The following SRP19 variants were observed in gnomAD, a reference collection of about 807,000 sequenced individuals.
SRP19 encodes the protein signal recognition particle 19 kDa protein.
Under a neutral mutation model 22.4 loss-of-function variants are expected in SRP19, and 11 were observed. The observed-to-expected ratio is 0.49, with a 90% CI of 0.31 to 0.81. SRP19 has a LOEUF of 0.81. SRP19 is among the 40% of genes least tolerant of loss of function. The pLI is 0.05. For synonymous variants in SRP19, 61 were observed against 57.6 expected, an observed-to-expected ratio of 1.06 and a Z score of -0.27; for missense variants, 168 against 175.9, an observed-to-expected ratio of 0.96 and a Z score of 0.25.
At chr5:112,886,421 T>C (rs1458780669) in intron 4 of SRP19, among the ~76,000 whole-genome samples, 1 of 152,256 alleles carries the variant, frequency 6.6e-6, no homozygotes, top group African/African-American at 2.4e-5. Context: ...AATTCATGAA[T>C]GGCTCTTTAT....
chr5:112,870,731 T>C (rs879856607), downstream of SRP19, among the ~76,000 whole-genome samples: 1 of 152,174 alleles, frequency 6.6e-6, no homozygotes, highest in Non-Finnish European at 1.5e-5. Context: ...GGGTTTGTTA[T>C]AAAATGGAGT....
At chr5:112,881,061 G>A (rs1164015351) in intron 4 of SRP19, among the ~76,000 whole-genome samples, 2 of 148,614 alleles carry the variant, frequency 1.3e-5, no homozygotes, top group African/African-American at 5.0e-5. Context: ...CCTGGAAGGT[G>A]GAGGCTGCAG....
At chr5:112,878,627 A>C (rs1767968825) in intron 4 of SRP19, 1 of 1,084,862 alleles carries the variant, frequency 9.2e-7, no homozygotes, top group Admixed American at 2.9e-5. Context: ...TATAGACAGT[A>C]AAAGTAAGCA....
chr5:112,897,658 T>C (rs1026704837), downstream of SRP19: 7 of 152,238 alleles, frequency 4.6e-5, no homozygotes, highest in African/African-American at 1.7e-4. Context: ...CAACTAAGCT[T>C]TGATGCCAAG....
At chr5:112,891,703 A>T in exon 5 of SRP19, 2 of 1,614,150 alleles carry the variant, frequency 1.2e-6, no homozygotes, top group Non-Finnish European at 1.7e-6. Context: ...ACCAAGCCAC[A>T]AAAAGTACAG....
chr5:112,889,335 T>C (rs1483434353), intron 4 of SRP19, among the ~76,000 whole-genome samples: 1 of 150,368 alleles, frequency 6.7e-6, no homozygotes, highest in Non-Finnish European at 1.5e-5. Context: ...CAAAACCAAA[T>C]AGGAACACTG....
chr5:112,886,235 T>A, intron 4 of SRP19, among the ~76,000 whole-genome samples: 1 of 152,256 alleles, frequency 6.6e-6, no homozygotes, highest in East Asian at 1.9e-4. Context: ...TTTACCTGTT[T>A]AAACGTCATA....
At chr5:112,887,790 G>T (rs1319438636) in intron 4 of SRP19, among the ~76,000 whole-genome samples, 2 of 151,964 alleles carry the variant, frequency 1.3e-5, no homozygotes, top group Non-Finnish European at 2.9e-5. Flanking sequence ...TTGCCATTGA[G>T]ATTTTTTTTT....
At chr5:112,871,243 A>ATTTTTTTTTTTTTT (rs10592964), downstream of SRP19, among the ~76,000 whole-genome samples, 1 of 93,934 alleles carries the variant, frequency 1.1e-5, no homozygotes, top group African/African-American at 4.8e-5. Flanking sequence ...CAATCAGTGA[A>ATTTTTTTTTTTTTT]TTTTTTTTTT....
chr5:112,883,092 T>C (rs1168741950), intron 4 of SRP19, among the ~76,000 whole-genome samples: 2 of 152,242 alleles, frequency 1.3e-5, no homozygotes, highest in Non-Finnish European at 2.9e-5. Flanking sequence ...ATTATTCCCA[T>C]TAATTTTCAA....
In SRP19 at chr5:112,878,960, G is replaced by A. The variant is rs186866097; in HGVS notation, c.302-12643G>A. 7.8e-3 allele frequency: 11,354 copies of A among 1,451,038 alleles called. 58 individuals carry two copies. The highest frequency in any genetic ancestry group is 8.9e-3 in the Non-Finnish European group (9,435 of 1,055,454). The allele number at this position is 1,451,038 out of a possible 1,614,324, so 89.9% of individuals were successfully genotyped here. On this transcript the variant is annotated intron_variant, in intron 4 of 4. Transcript: ENST00000391338. ...ACTTGGATGACTCATGTTCAGGTGC[G>A]ATCATGTTGGGGTTTGTGGTCTGGG...
At chr5:112,894,190 G>C (rs1203796804), downstream of SRP19, 2 of 150,264 alleles carry the variant, frequency 1.3e-5, no homozygotes, top group Non-Finnish European at 2.9e-5. Context: ...GGCGTGATCA[G>C]CTCACTGCAA....
chr5:112,883,986 C>T (rs1272848682), intron 4 of SRP19, among the ~76,000 whole-genome samples: 2 of 152,148 alleles, frequency 1.3e-5, no homozygotes, highest in African/African-American at 2.4e-5. Flanking sequence ...TACTTCTTAC[C>T]CCCTACTGCT....
In SRP19 at chr5:112,867,548, G is replaced by A. The variant is rs760601006; in HGVS notation, c.*11G>A. The A allele has an allele frequency of 1.9e-6, 3 of 1,601,872 alleles. No individual in the cohort carries two copies. Among genetic ancestry groups the A allele is most frequent in the Non-Finnish European group, 2.6e-6 (3 of 1,174,064 alleles). On this transcript the variant is annotated 3_prime_UTR_variant, in exon 5 of 5. Coordinates refer to ENST00000505459, the MANE Select transcript of SRP19 (RefSeq NM_003135.3). ...AAGAAAAAGAAGTAACCTAGTATCA[G>A]CATCAAGTATGTGGTACTACTGTAA...
chr5:112,891,723 G>C (rs1460338094), exon 5 of SRP19: 3 of 1,614,022 alleles, frequency 1.9e-6, no homozygotes, highest in Non-Finnish European at 2.5e-6. Flanking sequence ...GGGCCGCCCT[G>C]AAGAAGGAGA....
intron 1 of SRP19, 63 bp downstream of exon 1, chr5:112,861,480 C>T: frequency 6.4e-7 from 1 of 1,553,826 alleles, no homozygotes; most frequent in Non-Finnish European, 8.8e-7. Flanking sequence ...GCAGGTGCTA[C>T]ACCGCGCTTC....
chr5:112,875,147 G>A (rs1767865878), intron 4 of SRP19, among the ~76,000 whole-genome samples: 1 of 152,164 alleles, frequency 6.6e-6, no homozygotes, highest in Non-Finnish European at 1.5e-5. Flanking sequence ...AAGATTTTAA[G>A]AGTTAATGTT....
At chr5:112,873,897 C>G (rs1383827671), downstream of SRP19, among the ~76,000 whole-genome samples, 2 of 151,990 alleles carry the variant, frequency 1.3e-5, no homozygotes, top group Non-Finnish European at 2.9e-5. Context: ...GGTGCTGTGG[C>G]TCACACCTGT....
chr5:112,892,169 G>A lies in SRP19; in HGVS notation c.*562G>A, dbSNP rs371589323. On this transcript the variant is annotated 3_prime_UTR_variant, in exon 5 of 5. Coordinates refer to the SRP19 transcript ENST00000391338. ...GTAATGGAGAAGGATCGAGCTAATT[G>A]TCCCTTCTACAGTAAAACAGGAGCT... The A allele has an allele frequency of 3.7e-5, 59 of 1,614,044 alleles. 1 individual carries two copies. In the African/African-American group the frequency reaches 7.1e-4, roughly 19 times the overall value.
Sources: gnomAD v4.1 joint callset for allele counts (sites outside exome capture counted in the v4.1 genomes callset) on GRCh38, gnomAD v4.1.1 for gene constraint, MANE v1.5 for transcripts, NCBI Gene and HGNC (gene_info 2026-07-23, HGNC 2026-07-21) for gene names.